The following LOC122539214 variants were observed in gnomAD, a reference collection of about 807,000 sequenced individuals.
At chr19:52,654,207 C>T in the LOC122539214 span, 1 of 1,591,354 alleles carries the variant, frequency 6.3e-7, no homozygotes, top group African/African-American at 1.3e-5. Flanking sequence ...TGATTTTTGT[C>T]ATGGGTGCTT....
At chr19:52,650,563 A>C in the LOC122539214 span, 3 of 152,056 alleles carry the variant, frequency 2.0e-5, no homozygotes, top group Non-Finnish European at 4.4e-5. Context: ...AGCCGAACTT[A>C]TTACTTTTCT....
chr19:52,687,586 AT>A, the LOC122539214 span, among the ~76,000 whole-genome samples: 1 of 39,300 alleles, frequency 2.5e-5, no homozygotes, highest in African/African-American at 2.7e-4. Context: ...TTTTATATAT[AT>A]ATATATATAA....
the LOC122539214 span, chr19:52,652,592 C>A: frequency 2.3e-6 from 1 of 435,484 alleles, no homozygotes; most frequent in Non-Finnish European, 4.6e-6. Flanking sequence ...CACTGATGAA[C>A]TGCAAGCTAT....
chr19:52,652,966 T>C, the LOC122539214 span: 1 of 1,301,568 alleles, frequency 7.7e-7, no homozygotes, highest in Non-Finnish European at 1.1e-6. Flanking sequence ...CTTGCCACAC[T>C]CATTACACCT....
At chr19:52,681,498 T>A in the LOC122539214 span, among the ~76,000 whole-genome samples, 1 of 152,186 alleles carries the variant, frequency 6.6e-6, no homozygotes, top group Non-Finnish European at 1.5e-5. Flanking sequence ...CATTTTTGAA[T>A]GCTTCCCATG....
the LOC122539214 span, among the ~76,000 whole-genome samples, chr19:52,669,472 C>G: frequency 6.6e-6 from 1 of 152,160 alleles, no homozygotes; most frequent in Non-Finnish European, 1.5e-5. Flanking sequence ...CAATTAGGGG[C>G]TACCAGCCAG....
At chr19:52,665,549 G>A in the LOC122539214 span, among the ~76,000 whole-genome samples, 1 of 152,150 alleles carries the variant, frequency 6.6e-6, no homozygotes, top group Non-Finnish European at 1.5e-5. Flanking sequence ...CAATGTGTCA[G>A]TATGTGCAAT....
the LOC122539214 span, among the ~76,000 whole-genome samples, chr19:52,657,168 A>T: frequency 2.0e-5 from 3 of 152,018 alleles, no homozygotes; most frequent in African/African-American, 7.2e-5. Flanking sequence ...AACTTCAAGA[A>T]ATCATAAATG....
the LOC122539214 span, among the ~76,000 whole-genome samples, chr19:52,657,554 A>G: frequency 6.6e-6 from 1 of 152,182 alleles, no homozygotes; most frequent in Non-Finnish European, 1.5e-5. Flanking sequence ...TTTTTAAAAA[A>G]GGCCAGGCAT....
At chr19:52,681,810 G>A in the LOC122539214 span, among the ~76,000 whole-genome samples, 1 of 152,124 alleles carries the variant, frequency 6.6e-6, no homozygotes, top group Non-Finnish European at 1.5e-5. Flanking sequence ...GTCATTGAAT[G>A]GACACACAGG....
At chr19:52,656,239 T>C in the LOC122539214 span, among the ~76,000 whole-genome samples, 2 of 145,462 alleles carry the variant, frequency 1.4e-5, no homozygotes, top group Non-Finnish European at 3.1e-5. Flanking sequence ...TATATATATA[T>C]AGCCAGGCAT....
At chr19:52,662,500 G>A in the LOC122539214 span, among the ~76,000 whole-genome samples, 2 of 152,170 alleles carry the variant, frequency 1.3e-5, no homozygotes, top group Non-Finnish European at 2.9e-5. Context: ...TGTGGACAGA[G>A]ACAAGGAGAG....
At chr19:52,660,108 G>A in the LOC122539214 span, among the ~76,000 whole-genome samples, 4,318 of 151,920 alleles carry the variant, frequency 0.028, 207 homozygotes, top group African/African-American at 0.094. Flanking sequence ...GGAGAATTGC[G>A]GTGGTAAGAC....
chr19:52,676,836 G>T, the LOC122539214 span, among the ~76,000 whole-genome samples: 36,635 of 122,950 alleles, frequency 0.3, 6,443 homozygotes, highest in African/African-American at 0.47. Flanking sequence ...CCCCCAACCC[G>T]GTGCTCTCTG....
the LOC122539214 span, among the ~76,000 whole-genome samples, chr19:52,680,738 G>C: frequency 7.3e-6 from 1 of 137,676 alleles, no homozygotes; most frequent in Non-Finnish European, 1.5e-5. Context: ...TCAGCCTCCC[G>C]AGTAACTGGG....
At chr19:52,674,896 A>T in the LOC122539214 span, among the ~76,000 whole-genome samples, 1 of 152,212 alleles carries the variant, frequency 6.6e-6, no homozygotes, top group Admixed American at 6.5e-5. Flanking sequence ...GAAACAAAAA[A>T]CCGGCTGGGA....
the LOC122539214 span, among the ~76,000 whole-genome samples, chr19:52,673,106 G>A: frequency 2.0e-5 from 3 of 152,262 alleles, no homozygotes; most frequent in African/African-American, 7.2e-5. Flanking sequence ...CTACTCAGGA[G>A]ACTGAGGCAT....
At chr19:52,667,064 A>T in the LOC122539214 span, among the ~76,000 whole-genome samples, 1 of 152,216 alleles carries the variant, frequency 6.6e-6, no homozygotes, top group Non-Finnish European at 1.5e-5. Context: ...AATAGCAAAG[A>T]ATTGAAATCC....
the LOC122539214 span, among the ~76,000 whole-genome samples, chr19:52,672,229 G>A: frequency 6.6e-6 from 1 of 151,918 alleles, no homozygotes; most frequent in Non-Finnish European, 1.5e-5. Context: ...GTGAGATTCT[G>A]TCTCAAAAAA....
Sources: gnomAD v4.1 joint callset for allele counts (sites outside exome capture counted in the v4.1 genomes callset) on GRCh38, gnomAD v4.1.1 for gene constraint, MANE v1.5 for transcripts.